SEPTIN8: variants seen among roughly 807,000 people sequenced by gnomAD.
The protein encoded by SEPTIN8 is septin-8.
A neutral mutation model predicts 53.1 loss-of-function variants in SEPTIN8; 22 were observed. The observed-to-expected ratio is 0.41, with a 90% CI of 0.30 to 0.59. The LOEUF is 0.59. SEPTIN8 is among the 20% of genes least tolerant of loss of function. The pLI is 0.24. For missense variants in SEPTIN8, 536 were observed against 638.7 expected (o/e 0.84, Z 1.73); for synonymous variants, 228 against 248.4 (o/e 0.92, Z 0.77).
chr5:132,759,056 T>C (rs1581145960), intron 9 of SEPTIN8: 2 of 681,032 alleles, frequency 2.9e-6, no homozygotes, highest in Admixed American at 4.1e-5. Flanking sequence ...ATTTAAAGAG[T>C]ATGCATAACC....
At chr5:132,762,707 C>T in intron 4 of SEPTIN8, 62 bp from the exon 5 acceptor site, 2 of 1,563,522 alleles carry the variant, frequency 1.3e-6, no homozygotes, top group East Asian at 2.2e-5. Context: ...GGTTCCCATG[C>T]CATGCCCAGG....
chr5:132,759,551 G>GCAGGGCAAAGTCA (rs1485520732), intron 9 of SEPTIN8, among the ~76,000 whole-genome samples: 1 of 152,226 alleles, frequency 6.6e-6, no homozygotes, highest in Non-Finnish European at 1.5e-5. Context: ...ATGGCAGGAA[G>GCAGGGCAAAGTCA]CAGGGCAAAG....
In SEPTIN8 at chr5:132,761,188, A is replaced by G. The variant is rs200777528; in HGVS notation, c.1040T>C (p.Met347Thr). 158 of 1,614,148 alleles carry G rather than the reference A, an allele frequency of 9.8e-5. 1 individual carries two copies. In the African/African-American group the frequency reaches 1.9e-3, roughly 20 times the overall value. ...TGTCTCCTTCACTTTGTTGACAAAC[A>G]TCTGCCTCATCTCTTCCTCCTTCCT... ...LQRKEEEMRQ[M>T]FVNKVKETEL... The change falls in exon 8 of 10, where the codon ATG (methionine) becomes ACG (threonine). Residue 347 changes from methionine (M) to threonine (T), a missense_variant. By Grantham distance (81) the Met-to-Thr change is moderately conservative (BLOSUM62 -1). Coordinates refer to ENST00000378719, the MANE Select transcript of SEPTIN8 (RefSeq NM_001098811.2). This position sits in a 1 kb window ranked among gnomAD's most constrained non-coding sequence, Gnocchi z 5.8.
chr5:132,767,165 C>G (rs1756686742), intron 1 of SEPTIN8, among the ~76,000 whole-genome samples: 1 of 152,218 alleles, frequency 6.6e-6, no homozygotes, highest in South Asian at 2.1e-4. Context: ...TCTCCCCACT[C>G]AAGCCCAGAT....
chr5:132,753,073 G>T (rs1755004494), intron 9 of SEPTIN8: 7 of 936,520 alleles, frequency 7.5e-6, no homozygotes, highest in Non-Finnish European at 1.2e-5. Context: ...AAAAAGGGAA[G>T]GTGGCTCTGG....
chr5:132,763,738 C>A lies in SEPTIN8; in HGVS notation c.502G>T (p.Asp168Tyr). ...TCTAGTTTCTTCATGGTCACTAGATCTAGAGACTTCAGGGAGTGCCCTGTG... is the reference window on the plus strand; with the variant it reads ...TCTAGTTTCTTCATGGTCACTAGATATAGAGACTTCAGGGAGTGCCCTGTG... ...TPTGHSLKSL[D>Y]LVTMKKLDSK... The change falls in exon 4 of 10, where the codon GAT (aspartate) becomes TAT (tyrosine). Residue 168 changes from aspartate to tyrosine, a missense_variant. Physicochemically the swap from Asp to Tyr is radical, Grantham distance 160. Transcript: ENST00000378719. The A allele has an allele frequency of 6.2e-7, 1 of 1,614,176 alleles. No homozygotes were observed.
intron 2 of SEPTIN8, among the ~76,000 whole-genome samples, chr5:132,765,148 C>A (rs1186979379): frequency 1.3e-5 from 2 of 152,074 alleles, no homozygotes; most frequent in African/African-American, 4.8e-5. Flanking sequence ...GAACCTAAAT[C>A]TCTGTGATAA....
rs1329074311 is a variant in SEPTIN8, at chr5:132,763,721, C to T, written c.519G>A (p.Lys173=). 2 of 1,614,094 alleles carry T rather than the reference C, an allele frequency of 1.2e-6. No individual in the cohort carries two copies. The highest frequency in any genetic ancestry group is 1.7e-6 in the Non-Finnish European group (2 of 1,179,958). Residue 173 remains lysine (K), a synonymous_variant, in exon 4 of 10, where the codon AAG becomes AAA. Transcript: ENST00000378719. ...SLKSLDLVTM[K]KLDSKVNIIP... ...ACAGGGATACCTTGCTGTCTAGTTT[C>T]TTCATGGTCACTAGATCTAGAGACT...
intron 9 of SEPTIN8, chr5:132,756,976 A>T: frequency 1.0e-6 from 1 of 985,442 alleles, no homozygotes; most frequent in Non-Finnish European, 1.2e-6. Context: ...ACCCAACTGC[A>T]TACACTTTCA....
chr5:132,759,218 G>GTCATGGGAAGAGCGTTT (rs1581146559), intron 9 of SEPTIN8, among the ~76,000 whole-genome samples: 1 of 152,156 alleles, frequency 6.6e-6, no homozygotes, highest in East Asian at 1.9e-4. Context: ...CCACAGAGCC[G>GTCATGGGAAGAGCGTTT]TCATGGGAAG....
rs1192638608 is a variant in SEPTIN8, at chr5:132,751,658, T to C, written c.*358A>G. 4.6e-6 allele frequency: 2 copies of C among 439,102 alleles called. No individual in the cohort carries two copies. The highest frequency in any genetic ancestry group is 8.0e-6 in the Non-Finnish European group (2 of 249,078). 27.2% of individuals were successfully genotyped at this position (439,102 alleles called of 1,614,324 possible). A position where few individuals can be genotyped will look rare whatever the true frequency, so the allele number is the denominator to read the frequency against. ...AAGCAGATACAAGTAACTTTTCTGC[T>C]ACCTTGGTCTTGAATAGTATGTTTC... On this transcript the variant is annotated 3_prime_UTR_variant, in exon 10 of 10. Coordinates refer to ENST00000378719, the MANE Select transcript of SEPTIN8 (RefSeq NM_001098811.2).
Position 132,758,516 on chromosome 5 carries a change from A to G in SEPTIN8, c.1286+2286T>C, listed in dbSNP as rs754926113. On this transcript the variant is annotated intron_variant, in intron 9 of 9. Transcript: ENST00000378719. The stretch of plus-strand genomic sequence containing the variant: ...TAGAGCGGCACATAACAGCTCCGTC[A>G]GGGAATAGTGACACTGTAAATGGAA... 9.3e-6 allele frequency: 15 copies of G among 1,613,332 alleles called. No individual in the cohort carries two copies. In the Admixed American group the frequency reaches 1.7e-4, roughly 18 times the overall value.
intron 2 of SEPTIN8, 136 bp from the exon 3 acceptor site, chr5:132,764,555 C>T (rs989586310): frequency 3.1e-6 from 2 of 643,116 alleles, no homozygotes; most frequent in Admixed American, 3.0e-5. Context: ...CCGCCCACCC[C>T]ATCCCTCATC....
At position 132,765,478 on chromosome 5, in the gene SEPTIN8, C is replaced by G; in HGVS notation, c.82G>C (p.Asp28His). 2 of 1,612,992 alleles carry G rather than the reference C, an allele frequency of 1.2e-6. No homozygotes were observed. The highest frequency in any genetic ancestry group is 1.7e-6 in the Non-Finnish European group (2 of 1,179,432). ...SLSLGGHVGFDSLPDQLVSKS... is the reference protein window; with the variant it reads ...SLSLGGHVGFHSLPDQLVSKS... ...CTGACCAGCTGGTCGGGGAGGCTGT[C>G]GAAACCCACATGGCCGCCCAGGGAG... The change falls in exon 2 of 10, where the codon GAC becomes CAC. Residue 28 changes from aspartate (D) to histidine (H), a missense_variant. Asp to His is a moderately conservative substitution (Grantham distance 81). Around this residue, in one of 3 missense-constraint regions of SEPTIN8, gnomAD observed 395 missense variants for 451.8 expected, o/e 0.87. Transcript: ENST00000378719.
chr5:132,766,412 T>G (rs1756604979), intron 1 of SEPTIN8, among the ~76,000 whole-genome samples: 1 of 152,108 alleles, frequency 6.6e-6, no homozygotes, highest in Non-Finnish European at 1.5e-5. Flanking sequence ...GGCCCACCGC[T>G]CTATAAAAAG....
At chr5:132,775,186 T>G (rs1252114347) in intron 1 of SEPTIN8, among the ~76,000 whole-genome samples, 1 of 152,152 alleles carries the variant, frequency 6.6e-6, no homozygotes, top group Non-Finnish European at 1.5e-5. Flanking sequence ...CTCACAGGAA[T>G]GGTCCGAGAG....
intron 1 of SEPTIN8, among the ~76,000 whole-genome samples, chr5:132,775,472 C>T (rs1271107143): frequency 6.6e-6 from 1 of 152,200 alleles, no homozygotes; most frequent in African/African-American, 2.4e-5. Flanking sequence ...TCACAATACC[C>T]CTATGAGGGA....
In SEPTIN8 at chr5:132,773,085, C is replaced by T. The variant is rs1166779693; in HGVS notation, c.30+4023G>A. Among the ~76,000 whole-genome samples, 1 of 152,238 alleles carries T rather than the reference C, an allele frequency of 6.6e-6. No homozygotes were observed. The highest frequency in any genetic ancestry group is 1.5e-5 in the Non-Finnish European group (1 of 68,034). Reference sequence around the variant, plus strand: ...CCCCCTGCCCCGTCCTCCGCTGCCTCTTCCCAGCCAGTTCTTTCAGGAGCT... The same window carrying T: ...CCCCCTGCCCCGTCCTCCGCTGCCTTTTCCCAGCCAGTTCTTTCAGGAGCT... On this transcript the variant is annotated intron_variant, in intron 1 of 9. Transcript: ENST00000378719. This position sits in a 1 kb window ranked among gnomAD's most constrained non-coding sequence, Gnocchi z 4.2.
At chr5:132,757,907 AAC>A (rs1755491791) in intron 9 of SEPTIN8, 1 of 985,744 alleles carries the variant, frequency 1.0e-6, no homozygotes, top group East Asian at 1.1e-4. Flanking sequence ...ACTTTGAGGT[AAC>A]AACCTTTTTC....
Sources: gnomAD v4.1 joint callset for allele counts (sites outside exome capture counted in the v4.1 genomes callset) on GRCh38, gnomAD v4.1.1 for gene constraint, gnomAD v4.1.1 regional missense constraint, Gnocchi (gnomAD v3.1) non-coding constraint, MANE v1.5 for transcripts, NCBI Gene and HGNC (gene_info 2026-07-23, HGNC 2026-07-21) for gene names.